MYO5B: variants seen among roughly 807,000 people sequenced by gnomAD.
MYO5B encodes unconventional myosin-Vb.
Under a neutral mutation model 229.3 loss-of-function variants are expected in MYO5B, and 143 were observed. The observed-to-expected ratio is 0.62, with a 90% CI of 0.54 to 0.72. The LOEUF (loss-of-function observed/expected upper bound fraction) is 0.72. Ranked by LOEUF, MYO5B falls within the 30% of genes least tolerant of loss-of-function variation. The pLI, the probability that MYO5B is intolerant of heterozygous loss-of-function variation, is 0.00. For synonymous variants in MYO5B, 918 were observed against 885.2 expected, an observed-to-expected ratio of 1.04 and a Z score of -0.66; for missense variants, 2,321 against 2,331.0, an observed-to-expected ratio of 1.00 and a Z score of 0.09.
At chr18:49,995,307 T>C (rs2025975977) in intron 5 of MYO5B, among the ~76,000 whole-genome samples, 1 of 147,886 alleles carries the variant, frequency 6.8e-6, no homozygotes, top group Admixed American at 6.9e-5. Flanking sequence ...CAGGCTAGAG[T>C]GCAATGGTGT....
chr18:50,194,835 C>T lies in MYO5B; in HGVS notation c.-42G>A. ...GGCTCGGGCCCCGGCTCCTGGCTGC[C>T]CCGCGGCTCTCAGTCCGCGGCTGGC... On this transcript the variant is annotated 5_prime_UTR_variant, in exon 1 of 40. Transcript: ENST00000285039. The T allele has an allele frequency of 2.3e-6, 3 of 1,290,310 alleles. No individual in the cohort carries two copies. Among genetic ancestry groups the T allele is most frequent in the South Asian group, 5.0e-5 (2 of 40,312 alleles). 79.9% of individuals were successfully genotyped at this position (1,290,310 alleles called of 1,614,324 possible). A position where few individuals can be genotyped will look rare whatever the true frequency, so the allele number is the denominator to read the frequency against.
intron 10 of MYO5B, among the ~76,000 whole-genome samples, chr18:49,971,156 C>T (rs139231319): frequency 1.7e-3 from 253 of 152,166 alleles, no homozygotes; most frequent in Non-Finnish European, 2.4e-3. Flanking sequence ...TTTTCTTATG[C>T]CACAGAGGAT....
Position 50,001,409 on chromosome 18 carries a change from T to C in MYO5B, c.458A>G (p.Asp153Gly), listed in dbSNP as rs768311844. The change falls in exon 5 of 40, where the codon GAT becomes GGT. Residue 153 changes from aspartate to glycine, a missense_variant and splice_region_variant. Physicochemically the swap from Asp to Gly is moderately conservative, Grantham distance 94 (BLOSUM62 -1). Coordinates refer to ENST00000285039, the MANE Select transcript of MYO5B (RefSeq NM_001080467.3). Reference sequence around the variant, plus strand: ...GACTATGATGGACTGATTCTTCTCATCTCTGGAAGGAAAAAAGCTCTGATA... The same window carrying C: ...GACTATGATGGACTGATTCTTCTCACCTCTGGAAGGAAAAAAGCTCTGATA... Reference protein sequence around the residue: ...AEEAYKQMARDEKNQSIIVSG... With the variant: ...AEEAYKQMARGEKNQSIIVSG... 6.2e-7 allele frequency: 1 copy of C among 1,614,046 alleles called. No individual in the cohort carries two copies. Among genetic ancestry groups the C allele is most frequent in the Admixed American group, 1.7e-5 (1 of 60,016 alleles).
intron 2 of MYO5B, among the ~76,000 whole-genome samples, chr18:50,042,967 T>G (rs1217925218): frequency 6.6e-6 from 1 of 152,138 alleles, no homozygotes; most frequent in Non-Finnish European, 1.5e-5. Context: ...GATGAATCTC[T>G]TCAACTCTTC....
intron 1 of MYO5B, among the ~76,000 whole-genome samples, chr18:50,115,545 GAGACACACACACACACAC>G (rs1364736654): frequency 2.8e-5 from 3 of 106,152 alleles, no homozygotes; most frequent in South Asian, 3.0e-4. Flanking sequence ...CACACACAGA[GAGACACACACACACACAC>G]ACACACACAC....
chr18:50,026,294 G>A (rs188605232), intron 4 of MYO5B, among the ~76,000 whole-genome samples: 367 of 13,306 alleles, frequency 0.028, 1 homozygote, highest in Non-Finnish European at 0.026. Context: ...TTCTGTTTAC[G>A]TTTACAGTGT....
In MYO5B at chr18:49,943,028, T is replaced by C. The variant is rs182759598; in HGVS notation, c.1753-5631A>G. Among the ~76,000 whole-genome samples, 6 of 152,096 alleles carry C rather than the reference T, an allele frequency of 3.9e-5. No individual in the cohort carries two copies. The East Asian group carries it at 1.2e-3, about 29-fold the overall frequency. ...GGCACATATACACCATGGAATACTA[T>C]GCAGTCATAAAAAAATGATGAGTTC... On this transcript the variant is annotated intron_variant, in intron 14 of 39. Transcript: ENST00000285039.
chr18:49,826,138 G>C lies in MYO5B; in HGVS notation c.*333C>G. The stretch of plus-strand genomic sequence containing the variant: ...TAATTTGGACATTCTCTAGTTCTAT[G>C]CAAAGATCAAAACTAGGCAGCTTCG... On this transcript the variant is annotated 3_prime_UTR_variant, in exon 40 of 40. Transcript: ENST00000285039. 1 of 339,580 alleles carries C rather than the reference G, an allele frequency of 2.9e-6. No homozygotes were observed. The allele number at this position is 339,580 out of a possible 1,614,324, so 21.0% of individuals were successfully genotyped here.
chr18:50,013,619 C>G (rs955944059), intron 4 of MYO5B, among the ~76,000 whole-genome samples: 24 of 152,172 alleles, frequency 1.6e-4, no homozygotes, highest in Admixed American at 1.4e-3. Context: ...TGCCCTCTCT[C>G]GAGTGTCCTT....
At chr18:50,059,878 C>A (rs1307333329) in intron 1 of MYO5B, among the ~76,000 whole-genome samples, 1 of 152,112 alleles carries the variant, frequency 6.6e-6, no homozygotes, top group Admixed American at 6.5e-5. Flanking sequence ...GCTGGCTTTG[C>A]GAGATGCATT....
intron 1 of MYO5B, among the ~76,000 whole-genome samples, chr18:50,143,579 T>G (rs542720599): frequency 6.6e-6 from 1 of 152,316 alleles, no homozygotes; most frequent in Non-Finnish European, 1.5e-5. Flanking sequence ...AATATTTATC[T>G]GGATATATGA....
chr18:49,864,274 G>A lies in MYO5B; in HGVS notation c.3710C>T (p.Pro1237Leu). The change falls in exon 28 of 40, where the codon CCA becomes CTA. Residue 1237 changes from proline to leucine, a missense_variant. By Grantham distance (98) the Pro-to-Leu change is moderately conservative (BLOSUM62 -3). Coordinates refer to ENST00000285039, the MANE Select transcript of MYO5B (RefSeq NM_001080467.3). Reference sequence around the variant, plus strand: ...GTTCAGCAGGAGGCTGTAGCTATCTGGGGAGCCGTGGCTGGAGTTATTCTG... The same window carrying A: ...GTTCAGCAGGAGGCTGTAGCTATCTAGGGAGCCGTGGCTGGAGTTATTCTG... Reference protein sequence around the residue: ...ATQNNSSHGSPDSYSLLLNQL... With the variant: ...ATQNNSSHGSLDSYSLLLNQL... 6.2e-7 allele frequency: 1 copy of A among 1,614,184 alleles called. No individual in the cohort carries two copies. The highest frequency in any genetic ancestry group is 1.1e-5 in the South Asian group (1 of 91,078).
chr18:49,956,199 T>A (rs2025490870), intron 12 of MYO5B, among the ~76,000 whole-genome samples: 1 of 151,918 alleles, frequency 6.6e-6, no homozygotes, highest in African/African-American at 2.4e-5. Flanking sequence ...TGATCAAGAG[T>A]CTCAGATGAT....
At chr18:49,880,220 T>TA (rs1227681577) in intron 23 of MYO5B, 151 bp downstream of exon 23, 12 of 767,608 alleles carry the variant, frequency 1.6e-5, no homozygotes, top group Non-Finnish European at 2.3e-6. Context: ...AGTGGGATCT[T>TA]AAAGGTCATT....
At chr18:50,027,631 G>A (rs1366634182) in intron 4 of MYO5B, among the ~76,000 whole-genome samples, 3 of 152,132 alleles carry the variant, frequency 2.0e-5, no homozygotes, top group Non-Finnish European at 2.9e-5. Context: ...ATGAACACTT[G>A]ACTCAATGTT....
At position 50,043,364 on chromosome 18, in the gene MYO5B, TTATATAA is replaced by T. The variant is rs1212091286; in HGVS notation, c.139-3057_139-3051del. 4.8e-5 allele frequency among the ~76,000 whole-genome samples: 4 copies of T among 82,516 alleles called. No individual in the cohort carries two copies. The East Asian group carries it at 1.3e-3, about 28-fold the overall frequency. The allele number at this position is 82,516 out of a possible 152,430, so 54.1% of individuals were successfully genotyped here. On this transcript the variant is annotated intron_variant, in intron 2 of 39. Coordinates refer to ENST00000285039, the MANE Select transcript of MYO5B (RefSeq NM_001080467.3). ...TTATATTATATATAATATAAATATA[TTATATAA>T]TATATAATATATTAAATATATTTAA...
At chr18:50,041,113 T>G (rs1034830533) in intron 2 of MYO5B, among the ~76,000 whole-genome samples, 4 of 152,182 alleles carry the variant, frequency 2.6e-5, no homozygotes, top group Non-Finnish European at 5.9e-5. Context: ...ATTATCTGAG[T>G]GCTAAGATTC....
chr18:49,907,872 T>C (rs2024916946), intron 18 of MYO5B, among the ~76,000 whole-genome samples: 1 of 152,224 alleles, frequency 6.6e-6, no homozygotes. Context: ...CTGTGTCTGC[T>C]CAGAGCCATG....
At position 50,114,043 on chromosome 18, in the gene MYO5B, G is replaced by A. The variant is rs116249671; in HGVS notation, c.28-58665C>T. Among the ~76,000 whole-genome samples, 1,137 of 152,244 alleles carry A rather than the reference G, an allele frequency of 7.5e-3. 14 individuals carry two copies. Among genetic ancestry groups the A allele is most frequent in the African/African-American group, 0.025 (1,057 of 41,536 alleles). ...AAAATCTATCTGCCACCTGAGCTTG[G>A]CTTTGTGGTTCTTTGCCTCTTCTCT... On this transcript the variant is annotated intron_variant, in intron 1 of 39. Transcript: ENST00000285039.
Sources: allele counts gnomAD v4.1 joint callset (sites outside exome capture counted in the v4.1 genomes callset), GRCh38; gene constraint gnomAD v4.1.1; transcripts MANE v1.5; gene names NCBI Gene and HGNC (gene_info 2026-07-23, HGNC 2026-07-21).